The following SUPT20H variants were observed in gnomAD, a reference collection of about 807,000 sequenced individuals.
The protein encoded by SUPT20H is transcription factor SPT20 homolog.
Under a neutral mutation model 122.8 loss-of-function variants are expected in SUPT20H, and 82 were observed. The observed-to-expected ratio is 0.67, with a 90% CI of 0.56 to 0.80. The LOEUF (loss-of-function observed/expected upper bound fraction) is 0.80, where lower values mean the gene tolerates loss of function less well. Ranked by LOEUF, SUPT20H falls within the 30% of genes least tolerant of loss-of-function variation. SUPT20H has a pLI of 0.00. For missense variants in SUPT20H, 831 were observed against 921.6 expected (o/e 0.90, Z 1.27); for synonymous variants, 291 against 313.0 (o/e 0.93, Z 0.74).
chr13:37,031,538 G>GA, intron 12 of SUPT20H, 29 bp downstream of exon 12: 6 of 1,450,078 alleles, frequency 4.1e-6, no homozygotes, highest in East Asian at 2.4e-5. Flanking sequence ...AACTTTATAT[G>GA]AAAAAAAGTA....
rs190435319 is a variant in SUPT20H at position 37,029,860 on chromosome 13, C to T, written c.922-24G>A. On this transcript the variant is annotated intron_variant, in intron 12 of 25. Transcript: ENST00000350612. Reference sequence around the variant, plus strand: ...ACCTAAACAATCAAATCAAGAAATACCACATAAAATAGAATCCATATCAGA... The same window carrying T: ...ACCTAAACAATCAAATCAAGAAATATCACATAAAATAGAATCCATATCAGA... 1.6e-3 allele frequency: 2,413 copies of T among 1,547,728 alleles called. 32 individuals carry two copies. In the African/African-American group the frequency reaches 0.03, roughly 19 times the overall value.
At chr13:37,051,026 G>GTT (rs1182474943) in intron 2 of SUPT20H, among the ~76,000 whole-genome samples, 1 of 152,192 alleles carries the variant, frequency 6.6e-6, no homozygotes, top group Non-Finnish European at 1.5e-5. Flanking sequence ...TTTAGTGACT[G>GTT]TAAGTCAGTG....
At chr13:37,031,237 CA>C (rs1211929512) in intron 12 of SUPT20H, among the ~76,000 whole-genome samples, 1 of 151,560 alleles carries the variant, frequency 6.6e-6, no homozygotes, top group Non-Finnish European at 1.5e-5. Flanking sequence ...GAAATATTAT[CA>C]AAAAAAGAGA....
At chr13:37,039,512 G>A (rs1271783757) in intron 9 of SUPT20H, 7 of 152,156 alleles carry the variant, frequency 4.6e-5, no homozygotes, top group African/African-American at 1.7e-4. Context: ...CTTATTATGA[G>A]TGTTTTGAGA....
At chr13:37,052,457 G>A (rs532019703) in intron 1 of SUPT20H, among the ~76,000 whole-genome samples, 1 of 152,234 alleles carries the variant, frequency 6.6e-6, no homozygotes, top group East Asian at 1.9e-4. Context: ...GCCCTGGGAA[G>A]ACTGGCTAGC....
intron 7 of SUPT20H, among the ~76,000 whole-genome samples, chr13:37,042,124 T>G (rs1185677165): frequency 6.6e-6 from 1 of 151,930 alleles, no homozygotes; most frequent in Admixed American, 6.6e-5. Flanking sequence ...AAAGCAAAGG[T>G]TTTGTTCAGA....
intron 5 of SUPT20H, 125 bp from the exon 6 acceptor site, chr13:37,045,498 T>G (rs1594438029): frequency 8.1e-7 from 1 of 1,238,480 alleles, no homozygotes; most frequent in East Asian, 2.5e-5. Context: ...TGATTCTGAA[T>G]AAATGGAGAA....
Position 37,045,254 on chromosome 13 carries a change from G to A in SUPT20H, c.285C>T (p.Asn95=), listed in dbSNP as rs754859773. 1.1e-5 allele frequency: 18 copies of A among 1,613,270 alleles called. No individual in the cohort carries two copies. Among genetic ancestry groups the A allele is most frequent in the Middle Eastern group, 1.6e-4 (1 of 6,078 alleles). The change falls in exon 6 of 26, where the codon AAC becomes AAT. Residue 95 remains asparagine, a synonymous_variant. Coordinates refer to ENST00000350612, the MANE Select transcript of SUPT20H (RefSeq NM_001014286.3). ...EGYSLMLRGK[N]GSDSETIRLP... ...TGCTCTAGAGGGTCTTACCTGATCC[G>A]TTTTTTCCCCTGAGCATCAGAGAAT...
At chr13:37,058,811 C>T (rs902610603) in intron 1 of SUPT20H, among the ~76,000 whole-genome samples, 3 of 152,050 alleles carry the variant, frequency 2.0e-5, no homozygotes, top group Non-Finnish European at 2.9e-5. Context: ...AAAAGCAAAG[C>T]AATTAAAAAA....
intron 12 of SUPT20H, among the ~76,000 whole-genome samples, chr13:37,030,610 T>G (rs905332093): frequency 2.0e-5 from 3 of 152,142 alleles, no homozygotes; most frequent in African/African-American, 7.2e-5. Flanking sequence ...TCACATAACC[T>G]AGGAGCTTGT....
intron 20 of SUPT20H, 102 bp downstream of exon 20, chr13:37,021,909 G>C (rs1211107166): frequency 2.2e-6 from 3 of 1,337,694 alleles, no homozygotes; most frequent in East Asian, 4.7e-5. Flanking sequence ...TTTTCAGTCT[G>C]AGTAATATGC....
chr13:37,028,391 G>C (rs1450827125), intron 13 of SUPT20H, 86 bp from the exon 14 acceptor site: 3 of 1,214,612 alleles, frequency 2.5e-6, no homozygotes, highest in Non-Finnish European at 3.5e-6. Context: ...AAATGATACA[G>C]TAACATGTAT....
chr13:37,020,310 C>A (rs984805794), intron 21 of SUPT20H, among the ~76,000 whole-genome samples: 1 of 151,892 alleles, frequency 6.6e-6, no homozygotes, highest in Admixed American at 6.6e-5. Flanking sequence ...TGGAAAAATT[C>A]TCATTTAAGA....
At chr13:37,031,053 T>A (rs2063207714) in intron 12 of SUPT20H, among the ~76,000 whole-genome samples, 1 of 152,176 alleles carries the variant, frequency 6.6e-6, no homozygotes, top group Non-Finnish European at 1.5e-5. Context: ...TTTTTTGTCT[T>A]CAACCATTTA....
Position 37,025,303 on chromosome 13 carries a change from AC to A in SUPT20H, c.1329+16del. On this transcript the variant is annotated intron_variant, in intron 17 of 25. Coordinates refer to ENST00000350612, the MANE Select transcript of SUPT20H (RefSeq NM_001014286.3). ...TGAAACAACTGGGCACAAAGAAGTAACATTAATGAAACACACATCTGTTTCT... is the reference window on the plus strand; with the variant it reads ...TGAAACAACTGGGCACAAAGAAGTAAATTAATGAAACACACATCTGTTTCT... 1 of 1,558,074 alleles carries A rather than the reference AC, an allele frequency of 6.4e-7. No homozygotes were observed. The highest frequency in any genetic ancestry group is 8.9e-7 in the Non-Finnish European group (1 of 1,129,186).
intron 9 of SUPT20H, 89 bp from the exon 10 acceptor site, chr13:37,033,677 G>T: frequency 1.4e-6 from 2 of 1,399,176 alleles, no homozygotes; most frequent in Non-Finnish European, 1.9e-6. Flanking sequence ...AATATTCCCT[G>T]GAATTCTGCT....
At chr13:37,028,795 C>T (rs1055320836) in intron 13 of SUPT20H, among the ~76,000 whole-genome samples, 19 of 151,658 alleles carry the variant, frequency 1.3e-4, no homozygotes, top group Admixed American at 6.6e-4. Context: ...TAAGCTTGCA[C>T]CCCTGATCCT....
At chr13:37,017,792 T>C (rs2060773081) in intron 22 of SUPT20H, among the ~76,000 whole-genome samples, 1 of 152,210 alleles carries the variant, frequency 6.6e-6, no homozygotes, top group Admixed American at 6.5e-5. Flanking sequence ...ACAAATATTA[T>C]ACAAGATCTT....
chr13:37,048,889 G>T (rs1770981650), intron 2 of SUPT20H, among the ~76,000 whole-genome samples: 1 of 151,892 alleles, frequency 6.6e-6, no homozygotes, highest in Admixed American at 6.6e-5. Context: ...TCACTTCATA[G>T]ACATTAATTT....
Sources: gnomAD v4.1 joint callset for allele counts (sites outside exome capture counted in the v4.1 genomes callset) on GRCh38, gnomAD v4.1.1 for gene constraint, MANE v1.5 for transcripts, NCBI Gene and HGNC (gene_info 2026-07-23, HGNC 2026-07-21) for gene names.